PITPNC1: variants seen among roughly 807,000 people sequenced by gnomAD.
The protein encoded by PITPNC1 is phosphatidylinositol transfer protein cytoplasmic 1, also known as cytoplasmic phosphatidylinositol transfer protein 1.
In PITPNC1, 18 loss-of-function variants were observed where a neutral mutation model predicts 44.7. The ratio of observed to expected loss-of-function variants is 0.40; its 90% CI spans 0.28 to 0.60. PITPNC1 has a LOEUF of 0.60. Among genes scored for constraint, PITPNC1 ranks in the 20% least tolerant of loss-of-function variants. PITPNC1 has a pLI of 0.39. For missense variants in PITPNC1, 290 were observed against 418.4 expected (o/e 0.69, Z 2.68); for synonymous variants, 141 against 149.6 (o/e 0.94, Z 0.42).
At chr17:67,404,984 C>T (rs1170546084) in intron 1 of PITPNC1, among the ~76,000 whole-genome samples, 3 of 152,172 alleles carry the variant, frequency 2.0e-5, no homozygotes, top group Admixed American at 6.5e-5. Context: ...CCGTCACTCA[C>T]GCCTATGATC....
intron 2 of PITPNC1, among the ~76,000 whole-genome samples, chr17:67,551,538 G>T (rs1256108461): frequency 2.0e-5 from 3 of 152,042 alleles, no homozygotes; most frequent in African/African-American, 7.2e-5. Flanking sequence ...CTGTCCCCTC[G>T]GTGTGTCTCT....
At chr17:67,631,343 T>C (rs910623581) in intron 5 of PITPNC1, among the ~76,000 whole-genome samples, 5 of 150,434 alleles carry the variant, frequency 3.3e-5, no homozygotes, top group African/African-American at 1.2e-4. Flanking sequence ...TATATAAAAA[T>C]ATATGGCCGG....
chr17:67,499,272 T>C (rs2039997452), intron 1 of PITPNC1, among the ~76,000 whole-genome samples: 1 of 152,174 alleles, frequency 6.6e-6, no homozygotes, highest in Admixed American at 6.5e-5. Flanking sequence ...TGGAGTGCAA[T>C]GGTGTGATCT....
At chr17:67,666,183 C>G (rs2042419863) in intron 6 of PITPNC1, among the ~76,000 whole-genome samples, 1 of 152,050 alleles carries the variant, frequency 6.6e-6, no homozygotes, top group South Asian at 2.1e-4. Flanking sequence ...TTTAATACAG[C>G]TGGGATCTTG....
chr17:67,658,705 C>G (rs562645039), intron 6 of PITPNC1, among the ~76,000 whole-genome samples: 5 of 152,210 alleles, frequency 3.3e-5, no homozygotes, highest in Admixed American at 3.3e-4. Context: ...GCTTTGTTTG[C>G]TGGGTTGTCT....
At chr17:67,511,918 G>C (rs978968402) in intron 1 of PITPNC1, among the ~76,000 whole-genome samples, 7 of 152,214 alleles carry the variant, frequency 4.6e-5, no homozygotes, top group Non-Finnish European at 7.3e-5. Context: ...GGGTGATACT[G>C]ATTACTTGAG....
chr17:67,629,987 C>A (rs915216002), intron 5 of PITPNC1, among the ~76,000 whole-genome samples: 3 of 152,212 alleles, frequency 2.0e-5, no homozygotes, highest in African/African-American at 7.2e-5. Context: ...AGAAGAACCA[C>A]CAGCCGACTT....
intron 5 of PITPNC1, among the ~76,000 whole-genome samples, chr17:67,618,885 C>T (rs2041795344): frequency 6.6e-6 from 1 of 152,026 alleles, no homozygotes; most frequent in African/African-American, 2.4e-5. Flanking sequence ...TAGTAAAACC[C>T]CATCTCTACT....
At chr17:67,682,388 G>A (rs555046671) in intron 8 of PITPNC1, among the ~76,000 whole-genome samples, 1 of 152,222 alleles carries the variant, frequency 6.6e-6, no homozygotes, top group African/African-American at 2.4e-5. Context: ...GCTGATGGTT[G>A]AGGAGGAGAT....
intron 4 of PITPNC1, among the ~76,000 whole-genome samples, chr17:67,560,828 C>T (rs1003998752): frequency 6.6e-6 from 1 of 152,180 alleles, no homozygotes; most frequent in African/African-American, 2.4e-5. Context: ...TGTAACAAAA[C>T]ATAACATTTT....
At chr17:67,378,958 G>T in intron 1 of PITPNC1, 1 of 984,892 alleles carries the variant, frequency 1.0e-6, no homozygotes. Flanking sequence ...GGCGCGGGGC[G>T]GGGGCTCGTC....
intron 4 of PITPNC1, among the ~76,000 whole-genome samples, chr17:67,557,942 C>T (rs181132466): frequency 6.6e-6 from 1 of 152,332 alleles, no homozygotes; most frequent in Non-Finnish European, 1.5e-5. Context: ...GTTAGGATCA[C>T]GGTGCCCTTC....
At chr17:67,567,874 G>A (rs1221169236) in intron 4 of PITPNC1, among the ~76,000 whole-genome samples, 1 of 151,982 alleles carries the variant, frequency 6.6e-6, no homozygotes, top group Admixed American at 6.6e-5. Flanking sequence ...TCTGGAGGCT[G>A]AGGCAGGAGA....
intron 6 of PITPNC1, among the ~76,000 whole-genome samples, chr17:67,650,674 C>T (rs1394446265): frequency 6.6e-6 from 1 of 152,124 alleles, no homozygotes; most frequent in East Asian, 1.9e-4. Context: ...TGATCTCCAA[C>T]TCCTGACCTC....
chr17:67,645,025 T>C (rs2042131530), intron 6 of PITPNC1, among the ~76,000 whole-genome samples: 1 of 152,116 alleles, frequency 6.6e-6, no homozygotes, highest in African/African-American at 2.4e-5. Context: ...CCCATCTTTT[T>C]TCATGCCTTG....
chr17:67,657,160 T>TTTTTTG (rs1555578036), intron 6 of PITPNC1, among the ~76,000 whole-genome samples: 3,534 of 150,782 alleles, frequency 0.023, 137 homozygotes, highest in African/African-American at 0.081. Flanking sequence ...ACCCCCGTTT[T>TTTTTTG]TTTTGTTTTG....
intron 1 of PITPNC1, among the ~76,000 whole-genome samples, chr17:67,439,708 ATC>A (rs1439663792): frequency 2.3e-4 from 35 of 152,340 alleles, no homozygotes; most frequent in African/African-American, 8.2e-4. Flanking sequence ...TAATTAACAT[ATC>A]TCTCACCTTA....
intron 1 of PITPNC1, among the ~76,000 whole-genome samples, chr17:67,489,525 A>G (rs1189493928): frequency 6.6e-6 from 1 of 151,994 alleles, no homozygotes; most frequent in Non-Finnish European, 1.5e-5. Context: ...CACGGGATTC[A>G]CCTTGTGGCT....
At chr17:67,435,587 C>G (rs1240678105) in intron 1 of PITPNC1, among the ~76,000 whole-genome samples, 1 of 152,176 alleles carries the variant, frequency 6.6e-6, no homozygotes, top group African/African-American at 2.4e-5. Flanking sequence ...GGTGCGGTGG[C>G]CTACACCTGT....
Sources: gnomAD v4.1 joint callset for allele counts (sites outside exome capture counted in the v4.1 genomes callset) on GRCh38, gnomAD v4.1.1 for gene constraint, MANE v1.5 for transcripts, NCBI Gene and HGNC (gene_info 2026-07-23, HGNC 2026-07-21) for gene names.